The following RBMS3 variants were observed in gnomAD, a reference collection of about 807,000 sequenced individuals.
RBMS3 encodes RNA-binding motif, single-stranded-interacting protein 3.
Under a neutral mutation model 66.8 loss-of-function variants are expected in RBMS3, and 27 were observed. The ratio of observed to expected loss-of-function variants is 0.40; its 90% confidence interval spans 0.30 to 0.56. The LOEUF (loss-of-function observed/expected upper bound fraction) is 0.56, where lower values mean the gene tolerates loss of function less well. RBMS3 is among the 20% of genes least tolerant of loss of function. RBMS3 has a pLI of 0.40. For missense variants in RBMS3, 513 were observed against 549.5 expected (o/e 0.93, Z 0.66); for synonymous variants, 188 against 183.0 (o/e 1.03, Z -0.22).
intron 3 of RBMS3, among the ~76,000 whole-genome samples, chr3:29,571,515 A>G (rs926913021): frequency 5.1e-4 from 78 of 152,156 alleles, no homozygotes; most frequent in African/African-American, 1.8e-3. Context: ...TCCCAGTACC[A>G]TTTATTGAAG....
intron 6 of RBMS3, among the ~76,000 whole-genome samples, chr3:29,810,689 A>G (rs7632160): frequency 6.6e-6 from 1 of 152,214 alleles, no homozygotes; most frequent in African/African-American, 2.4e-5. Flanking sequence ...ATATATGTGT[A>G]TGTGTGTTTC....
At chr3:29,515,065 T>G (rs1372031581) in intron 3 of RBMS3, among the ~76,000 whole-genome samples, 1 of 152,114 alleles carries the variant, frequency 6.6e-6, no homozygotes, top group Non-Finnish European at 1.5e-5. Flanking sequence ...TATATGCTCT[T>G]AAGTACTATG....
intron 4 of RBMS3, among the ~76,000 whole-genome samples, chr3:29,724,685 A>C (rs2053780993): frequency 6.6e-6 from 1 of 152,180 alleles, no homozygotes; most frequent in African/African-American, 2.4e-5. Flanking sequence ...TACATTTTAA[A>C]ATTTAATTTT....
chr3:29,771,236 A>T (rs1485132983), intron 6 of RBMS3, among the ~76,000 whole-genome samples: 1 of 152,018 alleles, frequency 6.6e-6, no homozygotes, highest in Non-Finnish European at 1.5e-5. Flanking sequence ...TAAATCTTTC[A>T]TAGGAAATTG....
chr3:29,346,396 C>CTTTTTTTTTTTTT (rs34803214), intron 1 of RBMS3, among the ~76,000 whole-genome samples: 2 of 59,998 alleles, frequency 3.3e-5, no homozygotes, highest in African/African-American at 6.9e-5. Flanking sequence ...GCAATTCATT[C>CTTTTTTTTTTTTT]TTTTTTTTTT....
chr3:29,429,072 A>T (rs1336510137), intron 1 of RBMS3, among the ~76,000 whole-genome samples: 1 of 152,126 alleles, frequency 6.6e-6, no homozygotes, highest in Admixed American at 6.5e-5. Context: ...TAAGAGCTAA[A>T]GTTCTGCAGT....
intron 11 of RBMS3, 132 bp downstream of exon 11, chr3:29,936,328 T>C (rs757601240): frequency 4.4e-5 from 38 of 867,212 alleles, no homozygotes; most frequent in Non-Finnish European, 6.8e-5. Flanking sequence ...CAGGTTTCAG[T>C]ATGAATAAGC....
chr3:29,591,194 G>C (rs1325633408), intron 4 of RBMS3, among the ~76,000 whole-genome samples: 1 of 152,144 alleles, frequency 6.6e-6, no homozygotes, highest in East Asian at 1.9e-4. Context: ...AAGGTGACAT[G>C]CATACATACA....
chr3:29,472,817 G>A, intron 2 of RBMS3, among the ~76,000 whole-genome samples: 1 of 152,134 alleles, frequency 6.6e-6, no homozygotes, highest in Non-Finnish European at 1.5e-5. Flanking sequence ...TTATTGCAAA[G>A]AGCGAAAGAA....
At chr3:29,514,729 C>CAT (rs1486519676) in intron 3 of RBMS3, among the ~76,000 whole-genome samples, 1 of 129,362 alleles carries the variant, frequency 7.7e-6, no homozygotes, top group African/African-American at 3.1e-5. Context: ...ATATGATAAG[C>CAT]ATATATATAT....
intron 5 of RBMS3, among the ~76,000 whole-genome samples, chr3:29,742,239 G>A (rs186567429): frequency 6.6e-6 from 1 of 152,284 alleles, no homozygotes; most frequent in East Asian, 1.9e-4. Flanking sequence ...TAGGAACTGA[G>A]GGAGGGTGGG....
At chr3:29,708,062 A>G (rs1283771074) in intron 4 of RBMS3, among the ~76,000 whole-genome samples, 1 of 152,198 alleles carries the variant, frequency 6.6e-6, no homozygotes, top group Non-Finnish European at 1.5e-5. Flanking sequence ...AGAGAGTATC[A>G]TGCCTTTTGC....
chr3:29,764,622 G>C (rs1377301796), intron 6 of RBMS3, among the ~76,000 whole-genome samples: 1 of 151,936 alleles, frequency 6.6e-6, no homozygotes, highest in South Asian at 2.1e-4. Flanking sequence ...TCAATTTTTT[G>C]ATTTGTTCAA....
At chr3:29,707,662 C>G (rs543525072) in intron 4 of RBMS3, among the ~76,000 whole-genome samples, 4 of 152,280 alleles carry the variant, frequency 2.6e-5, no homozygotes, top group African/African-American at 9.6e-5. Flanking sequence ...CCACAAAAGG[C>G]CAAGCTAGAC....
intron 6 of RBMS3, among the ~76,000 whole-genome samples, chr3:29,853,668 G>A (rs1172857551): frequency 1.3e-5 from 2 of 152,058 alleles, no homozygotes; most frequent in Non-Finnish European, 2.9e-5. Flanking sequence ...TCGGGTGTAA[G>A]CTAAGTTACA....
chr3:29,781,938 A>G (rs541327646), intron 6 of RBMS3, among the ~76,000 whole-genome samples: 3 of 151,990 alleles, frequency 2.0e-5, no homozygotes, highest in South Asian at 4.2e-4. Flanking sequence ...ATAACTCCAT[A>G]AGATTGGGAG....
intron 5 of RBMS3, among the ~76,000 whole-genome samples, chr3:29,746,560 C>T (rs1166884831): frequency 6.6e-6 from 1 of 152,182 alleles, no homozygotes; most frequent in African/African-American, 2.4e-5. Context: ...CCTGCAGCTT[C>T]TTCATCTTTG....
At position 29,560,210 on chromosome 3, in the gene RBMS3, T is replaced by C. The variant is rs188933354; in HGVS notation, c.308-26904T>C. Among the ~76,000 whole-genome samples the C allele has an allele frequency of 2.6e-5, 4 of 152,308 alleles. No individual in the cohort carries two copies. In the East Asian group the frequency reaches 7.7e-4, roughly 29 times the overall value. ...TTTTGAAAGTTGATGACACTGTATTTCCAAACAAATATTGTATGCCAAAAA... is the reference window on the plus strand; with the variant it reads ...TTTTGAAAGTTGATGACACTGTATTCCCAAACAAATATTGTATGCCAAAAA... On this transcript the variant is annotated intron_variant, in intron 3 of 14. Transcript: ENST00000383767.
At chr3:29,736,552 G>A (rs1438203698) in intron 4 of RBMS3, among the ~76,000 whole-genome samples, 1 of 141,814 alleles carries the variant, frequency 7.1e-6, no homozygotes, top group African/African-American at 2.5e-5. Flanking sequence ...ACCTGATCAA[G>A]GGCAAAGGGG....
Sources: allele counts gnomAD v4.1 joint callset (sites outside exome capture counted in the v4.1 genomes callset), GRCh38; gene constraint gnomAD v4.1.1; transcripts MANE v1.5; gene names NCBI Gene and HGNC (gene_info 2026-07-23, HGNC 2026-07-21).